NCOA2: variants seen among roughly 807,000 people sequenced by gnomAD.
NCOA2 encodes class E basic helix-loop-helix protein 75.
NCOA2 carries 21 observed loss-of-function variants against 145.1 expected under a neutral mutation model. The ratio of observed to expected loss-of-function variants is 0.14; its 90% CI spans 0.10 to 0.21. The LOEUF (loss-of-function observed/expected upper bound fraction) is 0.21, where lower values mean the gene tolerates loss of function less well. Among genes scored for constraint, NCOA2 ranks in the 10% least tolerant of loss-of-function variants. The pLI, the probability that NCOA2 is intolerant of heterozygous loss-of-function variation, is 1.00. For synonymous variants in NCOA2, 619 were observed against 637.5 expected (o/e 0.97, Z 0.44); for missense variants, 1,472 against 1,837.6 (o/e 0.80, Z 3.64).
intron 5 of NCOA2, among the ~76,000 whole-genome samples, chr8:70,172,459 A>T (rs902331386): frequency 3.3e-5 from 5 of 152,192 alleles, no homozygotes; most frequent in African/African-American, 1.2e-4. Flanking sequence ...TGCTCTCTCA[A>T]ATTAGAACTG....
intron 2 of NCOA2, among the ~76,000 whole-genome samples, chr8:70,232,366 G>A (rs916853785): frequency 1.3e-5 from 2 of 152,156 alleles, no homozygotes; most frequent in African/African-American, 2.4e-5. Context: ...GGGCAGAGGG[G>A]CCCCAAAGAT....
At chr8:70,370,192 TA>T (rs1379249174) in intron 1 of NCOA2, among the ~76,000 whole-genome samples, 1 of 151,992 alleles carries the variant, frequency 6.6e-6, no homozygotes, top group Non-Finnish European at 1.5e-5. Flanking sequence ...GCCTTTAAAC[TA>T]AATATTTAAA....
chr8:70,447,682 C>CTTTT, the NCOA2 span, among the ~76,000 whole-genome samples: 10 of 113,060 alleles, frequency 8.8e-5, no homozygotes, highest in African/African-American at 1.8e-4. Context: ...TCTTTGTTTT[C>CTTTT]TTTTTTTTTT....
At chr8:70,200,575 C>CT (rs1817779148) in intron 4 of NCOA2, among the ~76,000 whole-genome samples, 1 of 152,178 alleles carries the variant, frequency 6.6e-6, no homozygotes, top group Non-Finnish European at 1.5e-5. Flanking sequence ...TCGCCACTAC[C>CT]TATCCCTAGT....
chr8:70,371,653 G>C (rs1278450611), intron 1 of NCOA2, among the ~76,000 whole-genome samples: 1 of 152,088 alleles, frequency 6.6e-6, no homozygotes, highest in Non-Finnish European at 1.5e-5. Context: ...TTATGAACAT[G>C]AATCTACAGT....
At chr8:70,231,624 C>T (rs541075849) in intron 2 of NCOA2, among the ~76,000 whole-genome samples, 35 of 152,286 alleles carry the variant, frequency 2.3e-4, no homozygotes, top group African/African-American at 7.2e-4. Context: ...GGTGGAATAA[C>T]CTGCTGGGTG....
intron 2 of NCOA2, among the ~76,000 whole-genome samples, chr8:70,296,216 A>G (rs1328477811): frequency 6.6e-6 from 1 of 152,226 alleles, no homozygotes; most frequent in East Asian, 1.9e-4. Context: ...TATTGTGATA[A>G]AAATCAATTT....
intron 4 of NCOA2, among the ~76,000 whole-genome samples, chr8:70,194,470 G>A (rs4512409): frequency 0.54 from 82,392 of 151,916 alleles, 23,668 homozygotes; most frequent in Non-Finnish European, 0.63. Context: ...TGTTTATCTA[G>A]AGGTTACATC....
chr8:70,386,501 C>T (rs1183135387), intron 1 of NCOA2, among the ~76,000 whole-genome samples: 2 of 151,964 alleles, frequency 1.3e-5, no homozygotes. Flanking sequence ...CCTGGAAACG[C>T]TTGTGGTAAA....
At chr8:70,142,496 C>T (rs956356841) in intron 13 of NCOA2, among the ~76,000 whole-genome samples, 1 of 152,022 alleles carries the variant, frequency 6.6e-6, no homozygotes, top group Non-Finnish European at 1.5e-5. Flanking sequence ...CCCAGGAATT[C>T]GAGGTGAGCC....
chr8:70,415,412 A>T, the NCOA2 span, among the ~76,000 whole-genome samples: 1 of 152,180 alleles, frequency 6.6e-6, no homozygotes, highest in East Asian at 1.9e-4. Context: ...TGCGGCCCAT[A>T]CTAGGCACTC....
At chr8:70,292,632 G>T (rs529027838) in intron 2 of NCOA2, among the ~76,000 whole-genome samples, 3 of 152,016 alleles carry the variant, frequency 2.0e-5, no homozygotes, top group South Asian at 4.2e-4. Context: ...AACTTGCATG[G>T]ATAGATAATC....
intron 4 of NCOA2, among the ~76,000 whole-genome samples, chr8:70,187,338 A>C (rs921189940): frequency 5.9e-5 from 9 of 152,216 alleles, no homozygotes; most frequent in Non-Finnish European, 1.0e-4. Flanking sequence ...ATTTTATTTA[A>C]TTCTGCAGCA....
intron 4 of NCOA2, among the ~76,000 whole-genome samples, chr8:70,192,690 C>A (rs781266191): frequency 4.6e-5 from 7 of 152,170 alleles, no homozygotes; most frequent in Non-Finnish European, 8.8e-5. Context: ...GATCAATTAG[C>A]CTCTATAGTA....
intron 11 of NCOA2, among the ~76,000 whole-genome samples, 184 bp downstream of exon 11, chr8:70,155,787 T>TTG (rs1757501119): frequency 6.6e-6 from 1 of 152,198 alleles, no homozygotes; most frequent in Non-Finnish European, 1.5e-5. Context: ...CTATGTTCTA[T>TTG]AACAATGTCA....
At chr8:70,193,297 T>C (rs779648120) in intron 4 of NCOA2, among the ~76,000 whole-genome samples, 2 of 152,160 alleles carry the variant, frequency 1.3e-5, no homozygotes, top group African/African-American at 2.4e-5. Flanking sequence ...TCACCAAAAT[T>C]TGCATTGGTT....
At chr8:70,330,516 G>C (rs1806999717) in intron 1 of NCOA2, among the ~76,000 whole-genome samples, 1 of 150,992 alleles carries the variant, frequency 6.6e-6, no homozygotes, top group Admixed American at 6.6e-5. Context: ...GGCTACAGTA[G>C]GCTCCAATCA....
At chr8:70,396,623 T>C (rs1267349868) in intron 1 of NCOA2, among the ~76,000 whole-genome samples, 1 of 152,220 alleles carries the variant, frequency 6.6e-6, no homozygotes, top group African/African-American at 2.4e-5. Context: ...AAAAAATCTA[T>C]AATTTCAAGA....
At chr8:70,261,121 TAA>T (rs1405963567) in intron 2 of NCOA2, among the ~76,000 whole-genome samples, 2 of 152,230 alleles carry the variant, frequency 1.3e-5, no homozygotes, top group Non-Finnish European at 2.9e-5. Flanking sequence ...CAAAGGATTA[TAA>T]ATCATGCTGC....
Sources: gnomAD v4.1 joint callset for allele counts (sites outside exome capture counted in the v4.1 genomes callset) on GRCh38, gnomAD v4.1.1 for gene constraint, MANE v1.5 for transcripts, NCBI Gene and HGNC (gene_info 2026-07-23, HGNC 2026-07-21) for gene names.